DHRS12: variants seen among roughly 807,000 people sequenced by gnomAD.
DHRS12 encodes dehydrogenase/reductase SDR family member 12.
Under a neutral mutation model 32.1 loss-of-function variants are expected in DHRS12, and 29 were observed. The observed-to-expected ratio is 0.90, with a 90% CI of 0.67 to 1.23. DHRS12 has a LOEUF of 1.23. DHRS12 is among the 50% of genes most tolerant of loss of function. The pLI is 0.00. For missense variants in DHRS12, 330 were observed against 337.2 expected, an observed-to-expected ratio of 0.98 and a Z score of 0.17; for synonymous variants, 150 against 135.9, an observed-to-expected ratio of 1.10 and a Z score of -0.72.
chr13:51,758,369 C>T, the DHRS12 span: 1 of 1,174,628 alleles, frequency 8.5e-7, no homozygotes, highest in Non-Finnish European at 1.2e-6. Context: ...GCACCAAGAA[C>T]ATGGGAGGCA....
At chr13:51,774,420 T>A (rs1329384973) in intron 5 of DHRS12, 1 of 143,658 alleles carries the variant, frequency 7.0e-6, no homozygotes, top group Non-Finnish European at 1.5e-5. Context: ...AGTATTCTCC[T>A]ACAGTATTCT....
At chr13:51,756,333 ACCACTGCCGCAAGTGTGGGAAGG>A in the DHRS12 span, 2 of 1,613,226 alleles carry the variant, frequency 1.2e-6, no homozygotes, top group Non-Finnish European at 1.7e-6. Context: ...CTCCTCCAGC[ACCACTGCCGCAAGTGTGGGAAGG>A]CCGTCTGTGG....
At chr13:51,791,306 A>C in intron 2 of DHRS12, 49 bp from the exon 3 acceptor site, 3 of 1,088,624 alleles carry the variant, frequency 2.8e-6, no homozygotes, top group Non-Finnish European at 2.6e-6. Context: ...AAAGATATAA[A>C]CTAGCACTTT....
chr13:51,790,073 A>G lies in DHRS12; in HGVS notation c.239T>C (p.Met80Thr). ...LHVLINNAGCMVNKRELTEDG... is the reference protein window; with the variant it reads ...LHVLINNAGCTVNKRELTEDG... Reference sequence around the variant, plus strand: ...TTCTGTGAGCTCTCTTTTATTGACCATGCAACCTGCATTATTGATCTAAAA... The same window carrying G: ...TTCTGTGAGCTCTCTTTTATTGACCGTGCAACCTGCATTATTGATCTAAAA... Residue 80 changes from methionine to threonine, a missense_variant, in exon 4 of 9, where the codon ATG becomes ACG. Coordinates refer to ENST00000444610, the MANE Select transcript of DHRS12 (RefSeq NM_001377533.1). 3 of 1,597,910 alleles carry G rather than the reference A, an allele frequency of 1.9e-6. No homozygotes were observed. The highest frequency in any genetic ancestry group is 1.4e-5 in the African/African-American group (1 of 73,798).
chr13:51,758,811 A>G, the DHRS12 span, among the ~76,000 whole-genome samples: 1 of 152,202 alleles, frequency 6.6e-6, no homozygotes, highest in Non-Finnish European at 1.5e-5. Context: ...CCATTCTTGG[A>G]GGTCACAGCA....
At chr13:51,802,169 TCACACACACACACACACACACACA>T (rs56270918) in intron 1 of DHRS12, among the ~76,000 whole-genome samples, 7 of 139,780 alleles carry the variant, frequency 5.0e-5, no homozygotes, top group Non-Finnish European at 1.1e-4. Flanking sequence ...TCTCTATTTT[TCACACACACACACACACACACACA>T]CACACACACA....
intron 4 of DHRS12, among the ~76,000 whole-genome samples, chr13:51,785,561 C>T (rs894119230): frequency 1.3e-5 from 2 of 152,186 alleles, no homozygotes; most frequent in African/African-American, 2.4e-5. Flanking sequence ...CTTGGAATTG[C>T]TCGCACACCT....
intron 4 of DHRS12, among the ~76,000 whole-genome samples, chr13:51,787,693 AAT>A (rs1031111032): frequency 4.3e-5 from 6 of 141,028 alleles, no homozygotes; most frequent in Non-Finnish European, 9.1e-5. Flanking sequence ...AAAAAGTATA[AAT>A]ATATATAAAT....
intron 4 of DHRS12, chr13:51,789,447 T>G: frequency 5.4e-6 from 4 of 747,206 alleles, no homozygotes; most frequent in Non-Finnish European, 6.5e-6. Flanking sequence ...GAGTTTCAGA[T>G]TCTGTAGATC....
chr13:51,785,360 C>G (rs1293986217), intron 4 of DHRS12, among the ~76,000 whole-genome samples: 1 of 151,876 alleles, frequency 6.6e-6, no homozygotes, highest in Non-Finnish European at 1.5e-5. Flanking sequence ...AAAAACAAAC[C>G]CTTGTGGCAG....
At chr13:51,758,221 G>A in the DHRS12 span, 2 of 1,590,528 alleles carry the variant, frequency 1.3e-6, no homozygotes, top group South Asian at 1.1e-5. Flanking sequence ...TTCCATGACA[G>A]TAAACATAAC....
intron 2 of DHRS12, chr13:51,797,997 C>CA: frequency 6.4e-6 from 8 of 1,257,792 alleles, no homozygotes; most frequent in Non-Finnish European, 7.8e-6. Context: ...CATATGGGCT[C>CA]ACAGTTGACA....
At chr13:51,793,001 T>C (rs1484462130) in intron 2 of DHRS12, among the ~76,000 whole-genome samples, 5 of 152,102 alleles carry the variant, frequency 3.3e-5, no homozygotes, top group Non-Finnish European at 7.4e-5. Context: ...TGACAACTTC[T>C]GCTGTGACCC....
chr13:51,758,407 C>A, the DHRS12 span: 1 of 731,332 alleles, frequency 1.4e-6, no homozygotes, highest in Admixed American at 2.3e-5. Flanking sequence ...CTTGGGTAGC[C>A]GGCCATGGTG....
At chr13:51,801,730 G>A (rs992803284) in intron 1 of DHRS12, among the ~76,000 whole-genome samples, 2 of 152,204 alleles carry the variant, frequency 1.3e-5, no homozygotes, top group African/African-American at 4.8e-5. Context: ...GAGGCATTGT[G>A]GGGAATGAGT....
At chr13:51,778,080 G>T (rs1306760003) in intron 4 of DHRS12, among the ~76,000 whole-genome samples, 1 of 152,238 alleles carries the variant, frequency 6.6e-6, no homozygotes, top group African/African-American at 2.4e-5. Flanking sequence ...CGCAGGAGCT[G>T]CCTGGCATCG....
At position 51,771,195 on chromosome 13, in the gene DHRS12, G is replaced by A. The variant is rs373088287; in HGVS notation, c.559+626C>T. On this transcript the variant is annotated intron_variant, in intron 7 of 8. Transcript: ENST00000444610. Reference sequence around the variant, plus strand: ...GACAGCGCTGAGACCAGTTCTTGGCGCCGCGGGTGCACCCTGGGGTGTGTG... The same window carrying A: ...GACAGCGCTGAGACCAGTTCTTGGCACCGCGGGTGCACCCTGGGGTGTGTG... The A allele has an allele frequency of 1.3e-4, 199 of 1,549,488 alleles. 1 individual carries two copies. Among genetic ancestry groups the A allele is most frequent in the Admixed American group, 1.6e-4 (8 of 50,920 alleles).
chr13:51,768,723 G>A, intron 8 of DHRS12: 6 of 1,124,582 alleles, frequency 5.3e-6, no homozygotes, highest in Non-Finnish European at 6.5e-6. Context: ...GCCCCCTTAG[G>A]AGCCCACTGG....
At chr13:51,768,649 G>GC (rs1207742849) in intron 8 of DHRS12, 10 of 1,140,412 alleles carry the variant, frequency 8.8e-6, no homozygotes, top group Non-Finnish European at 9.7e-6. Context: ...GAGAAGCCAA[G>GC]CAAAGAGCCT....
Sources: allele counts gnomAD v4.1 joint callset (sites outside exome capture counted in the v4.1 genomes callset), GRCh38; gene constraint gnomAD v4.1.1; transcripts MANE v1.5; gene names NCBI Gene and HGNC (gene_info 2026-07-23, HGNC 2026-07-21).